Variants in FTO observed in about 807,000 individuals in gnomAD.
FTO encodes FTO alpha-ketoglutarate dependent dioxygenase.
Under a neutral mutation model 63.9 loss-of-function variants are expected in FTO, and 47 were observed. The observed-to-expected ratio is 0.74, with a 90% CI of 0.58 to 0.94. The LOEUF (loss-of-function observed/expected upper bound fraction) is 0.94. Among genes scored for constraint, FTO ranks in the 40% least tolerant of loss-of-function variants. The probability of loss-of-function intolerance (pLI) is 0.00; values close to 1 mark genes in which losing one functional copy is unlikely to be tolerated. For missense variants in FTO, 562 were observed against 618.1 expected (o/e 0.91, Z 0.96); for synonymous variants, 207 against 224.4 (o/e 0.92, Z 0.69).
At chr16:53,994,798 A>G (rs771905710) in intron 8 of FTO, among the ~76,000 whole-genome samples, 9 of 151,174 alleles carry the variant, frequency 6.0e-5, no homozygotes, top group Non-Finnish European at 1.3e-4. Flanking sequence ...CAGTGGTGCA[A>G]TCTCTGCTCA....
At chr16:54,029,235 CTAAA>C (rs1412139703) in intron 8 of FTO, among the ~76,000 whole-genome samples, 1 of 152,184 alleles carries the variant, frequency 6.6e-6, no homozygotes, top group Non-Finnish European at 1.5e-5. Context: ...ACAGGCCTCA[CTAAA>C]TGAATGCTAG....
chr16:53,992,924 A>G (rs1204318165), intron 8 of FTO: 1 of 152,196 alleles, frequency 6.6e-6, no homozygotes, highest in Admixed American at 6.5e-5. Context: ...ATTTAGACAA[A>G]TCTCATCTGA....
At chr16:54,005,432 G>C (rs974535224) in intron 8 of FTO, among the ~76,000 whole-genome samples, 1 of 149,554 alleles carries the variant, frequency 6.7e-6, no homozygotes, top group Non-Finnish European at 1.5e-5. Context: ...TGTACACACA[G>C]TGTGTGTACA....
intron 8 of FTO, among the ~76,000 whole-genome samples, chr16:54,074,917 A>AGAGT (rs1259223102): frequency 2.1e-4 from 28 of 134,170 alleles, no homozygotes; most frequent in Admixed American, 6.1e-4. Context: ...AGAGAGAGAG[A>AGAGT]GTGTGTGTGT....
rs2076936224 is a variant in FTO, at chr16:53,756,883, G to A, written c.45+52654G>A. Among the ~76,000 whole-genome samples the A allele has an allele frequency of 2.0e-5, 3 of 152,148 alleles. No homozygotes were observed. In the South Asian group the frequency reaches 6.2e-4, roughly 32 times the overall value. On this transcript the variant is annotated intron_variant, in intron 1 of 8. Transcript: ENST00000471389. ...TGCTTTTGGTCACACACTAGTTGCT[G>A]TTTAACTACAATAAAATTGTGACCA...
chr16:53,844,267 C>T lies in FTO; in HGVS notation c.864C>T (p.Pro288=). The T allele has an allele frequency of 1.9e-6, 3 of 1,613,396 alleles. No homozygotes were observed. Among genetic ancestry groups the T allele is most frequent in the Non-Finnish European group, 2.5e-6 (3 of 1,179,438 alleles). Residue 288 remains proline, a synonymous_variant, in exon 4 of 9, where the codon CCC becomes CCT. Transcript: ENST00000471389. Reference sequence around the variant, plus strand: ...TAGAGACACCTGGTTTGGCGATACCCCTTCACCAAGGAGACTGCTATTTCA... The same window carrying T: ...TAGAGACACCTGGTTTGGCGATACCTCTTCACCAAGGAGACTGCTATTTCA... ...WDIETPGLAI[P]LHQGDCYFML... is the part of the protein sequence containing the mutation.
At chr16:53,905,742 G>A (rs2151934090) in intron 7 of FTO, among the ~76,000 whole-genome samples, 1 of 152,264 alleles carries the variant, frequency 6.6e-6, no homozygotes, top group South Asian at 2.1e-4. Context: ...CTTGAGAGCA[G>A]GGACTCTGTC....
chr16:53,854,383 C>A (rs764495445), intron 4 of FTO, among the ~76,000 whole-genome samples: 9 of 151,950 alleles, frequency 5.9e-5, no homozygotes, highest in Non-Finnish European at 4.4e-5. Context: ...CTTGCCTAGC[C>A]CAATGTCTAG....
intron 8 of FTO, among the ~76,000 whole-genome samples, chr16:54,009,803 C>T (rs754031766): frequency 1.3e-5 from 2 of 152,188 alleles, no homozygotes; most frequent in Non-Finnish European, 2.9e-5. Context: ...CATCTCCTTT[C>T]CTGTCATGTA....
At chr16:53,794,073 A>G (rs1260026437) in intron 1 of FTO, among the ~76,000 whole-genome samples, 1 of 152,214 alleles carries the variant, frequency 6.6e-6, no homozygotes. Context: ...TTTGATAATA[A>G]TGAATGTTTG....
intron 1 of FTO, among the ~76,000 whole-genome samples, chr16:53,747,801 C>G (rs1227108245): frequency 6.6e-6 from 1 of 151,858 alleles, no homozygotes; most frequent in Non-Finnish European, 1.5e-5. Flanking sequence ...AGTTTCAGGT[C>G]TTATGTTTAA....
At chr16:53,883,254 G>T (rs763360718) in intron 6 of FTO, among the ~76,000 whole-genome samples, 1 of 152,124 alleles carries the variant, frequency 6.6e-6, no homozygotes, top group Non-Finnish European at 1.5e-5. Context: ...TGACTGTGAT[G>T]TTTTTTACCA....
chr16:53,742,405 A>C (rs1295319173), intron 1 of FTO, among the ~76,000 whole-genome samples: 1 of 152,174 alleles, frequency 6.6e-6, no homozygotes, highest in Admixed American at 6.5e-5. Flanking sequence ...GGTCAAAATC[A>C]GGATTTTGTT....
chr16:53,833,536 C>T (rs920048837), intron 3 of FTO, among the ~76,000 whole-genome samples: 2 of 152,142 alleles, frequency 1.3e-5, no homozygotes, highest in Non-Finnish European at 2.9e-5. Flanking sequence ...TGGGAATCTC[C>T]GCTTTCAGTA....
chr16:53,954,244 A>G (rs2082868416), intron 8 of FTO, among the ~76,000 whole-genome samples: 1 of 152,202 alleles, frequency 6.6e-6, no homozygotes, highest in South Asian at 2.1e-4. Context: ...GTTGAAATCA[A>G]ATTCTCTGTT....
intron 7 of FTO, among the ~76,000 whole-genome samples, chr16:53,917,354 A>G (rs537182001): frequency 6.6e-6 from 1 of 152,332 alleles, no homozygotes; most frequent in South Asian, 2.1e-4. Flanking sequence ...TGTCCCCACT[A>G]CTTATCAGCT....
chr16:53,936,584 C>T (rs917454548), intron 8 of FTO, among the ~76,000 whole-genome samples: 25 of 152,156 alleles, frequency 1.6e-4, no homozygotes, highest in African/African-American at 6.0e-4. Flanking sequence ...TACTAAGCAG[C>T]CTGTGTTTTA....
At chr16:53,931,334 T>G (rs1051000394) in intron 7 of FTO, among the ~76,000 whole-genome samples, 28 of 143,796 alleles carry the variant, frequency 1.9e-4, no homozygotes, top group African/African-American at 7.1e-4. Context: ...AAGACAGAGG[T>G]TCACTCTTGT....
chr16:53,832,306 C>T (rs2079164849), intron 3 of FTO, among the ~76,000 whole-genome samples: 1 of 152,186 alleles, frequency 6.6e-6, no homozygotes. Flanking sequence ...TTATAAGTTT[C>T]AACACACCTG....
Sources: allele counts gnomAD v4.1 joint callset (sites outside exome capture counted in the v4.1 genomes callset), GRCh38; gene constraint gnomAD v4.1.1; transcripts MANE v1.5; gene names NCBI Gene and HGNC (gene_info 2026-07-23, HGNC 2026-07-21).